ELMO1: variants seen among roughly 807,000 people sequenced by gnomAD.
The protein encoded by ELMO1 is engulfment and cell motility protein 1.
ELMO1 carries 26 observed loss-of-function variants against 98.9 expected under a neutral mutation model. The ratio of observed to expected loss-of-function variants is 0.26; its 90% CI spans 0.19 to 0.36. ELMO1 has a LOEUF of 0.36. Among genes scored for constraint, ELMO1 ranks in the 10% least tolerant of loss-of-function variants. The pLI is 1.00. For missense variants in ELMO1, 627 were observed against 935.2 expected (o/e 0.67, Z 4.30); for synonymous variants, 346 against 346.0 (o/e 1.00, Z 0.00).
chr7:37,315,815 A>C, intron 3 of ELMO1, 105 bp downstream of exon 3: 1 of 1,013,620 alleles, frequency 9.9e-7, no homozygotes, highest in South Asian at 1.4e-5. Context: ...TGAGCAAGTC[A>C]GTGGGTGACT....
intron 14 of ELMO1, among the ~76,000 whole-genome samples, chr7:37,111,143 G>A (rs1180415707): frequency 6.6e-6 from 1 of 152,090 alleles, no homozygotes; most frequent in Non-Finnish European, 1.5e-5. Flanking sequence ...GGGGCTCTTG[G>A]TCCAGCTCTG....
chr7:37,059,786 C>T (rs536293977), intron 15 of ELMO1, among the ~76,000 whole-genome samples: 8 of 152,248 alleles, frequency 5.3e-5, no homozygotes, highest in South Asian at 4.1e-4. Context: ...GTAACAATGC[C>T]TTTCATTTTC....
chr7:37,179,258 T>C (rs76254110), intron 13 of ELMO1, among the ~76,000 whole-genome samples: 5,975 of 150,792 alleles, frequency 0.04, 224 homozygotes, highest in Admixed American at 0.12. Context: ...CCAAATTTAA[T>C]CTGAATGTTT....
chr7:36,863,574 C>T (rs1307034598), intron 20 of ELMO1, among the ~76,000 whole-genome samples: 1 of 152,156 alleles, frequency 6.6e-6, no homozygotes, highest in African/African-American at 2.4e-5. Context: ...AGAAACTAAC[C>T]TCTCCCTCTT....
intron 16 of ELMO1, among the ~76,000 whole-genome samples, chr7:37,005,304 A>G (rs1454644761): frequency 6.6e-6 from 1 of 151,806 alleles, no homozygotes; most frequent in African/African-American, 2.4e-5. Flanking sequence ...AGTCCCTGAA[A>G]ATTGGTCACC....
chr7:37,191,747 G>A (rs146668111), intron 13 of ELMO1, among the ~76,000 whole-genome samples: 333 of 152,234 alleles, frequency 2.2e-3, no homozygotes, highest in African/African-American at 6.9e-3. Context: ...GTCAAAACCC[G>A]TCTCTGCTAA....
intron 6 of ELMO1, among the ~76,000 whole-genome samples, chr7:37,257,675 G>A (rs967626457): frequency 1.4e-4 from 21 of 150,948 alleles, no homozygotes; most frequent in African/African-American, 5.1e-4. Flanking sequence ...AGACCAGCCT[G>A]GCCAACGTGG....
intron 14 of ELMO1, among the ~76,000 whole-genome samples, chr7:37,126,524 C>A (rs1254612296): frequency 6.6e-6 from 1 of 151,748 alleles, no homozygotes; most frequent in East Asian, 1.9e-4. Flanking sequence ...TAATAACTTA[C>A]AAAATAATGA....
At chr7:37,132,420 G>C (rs935633349) in intron 14 of ELMO1, among the ~76,000 whole-genome samples, 10 of 152,118 alleles carry the variant, frequency 6.6e-5, no homozygotes, top group African/African-American at 2.4e-4. Flanking sequence ...CATCCTGACT[G>C]AATCTGGGTT....
Position 36,970,646 on chromosome 7 carries a change from TCACTGAA to T in ELMO1, c.1437+42646_1437+42652del, listed in dbSNP as rs1317588716. 4.2e-3 allele frequency among the ~76,000 whole-genome samples: 646 copies of T among 152,344 alleles called. 10 individuals are homozygous for T. Among genetic ancestry groups the T allele is most frequent in the African/African-American group, 0.015 (616 of 41,574 alleles). ...TACACTTGATAAAGGTTTTGTTGAATCACTGAATACTGGTGACAAGTGACAAAATGAC... is the reference window on the plus strand; with the variant it reads ...TACACTTGATAAAGGTTTTGTTGAATTACTGGTGACAAGTGACAAAATGAC... On this transcript the variant is annotated intron_variant, in intron 16 of 21. Coordinates refer to ENST00000310758, the MANE Select transcript of ELMO1 (RefSeq NM_014800.11).
chr7:37,009,668 C>T (rs190090144), intron 16 of ELMO1, among the ~76,000 whole-genome samples: 65 of 152,344 alleles, frequency 4.3e-4, no homozygotes, highest in African/African-American at 1.6e-3. Context: ...TAGCTAAGCC[C>T]TGCTCACAGA....
At chr7:36,888,066 T>C (rs955267580) in intron 17 of ELMO1, among the ~76,000 whole-genome samples, 2 of 152,190 alleles carry the variant, frequency 1.3e-5, no homozygotes, top group Admixed American at 1.3e-4. Flanking sequence ...TGGGACTGTG[T>C]TTGTGATCTG....
intron 4 of ELMO1, among the ~76,000 whole-genome samples, chr7:37,308,882 G>A (rs931748525): frequency 6.6e-6 from 1 of 152,154 alleles, no homozygotes; most frequent in Non-Finnish European, 1.5e-5. Flanking sequence ...AATCAGGTTT[G>A]GTCATCAGGC....
Position 37,311,156 on chromosome 7 carries a change from C to T in ELMO1, c.192+3694G>A, listed in dbSNP as rs189534503. On this transcript the variant is annotated intron_variant, in intron 4 of 21. Transcript: ENST00000310758. ...CTTAACATGACATTTTCCCCCACTGCACCAAAAAAAAACCTCAGTTAATGG... is the reference window on the plus strand; with the variant it reads ...CTTAACATGACATTTTCCCCCACTGTACCAAAAAAAAACCTCAGTTAATGG... 2.0e-5 allele frequency among the ~76,000 whole-genome samples: 3 copies of T among 149,402 alleles called. No homozygotes were observed. In the East Asian group the frequency reaches 5.8e-4, roughly 29 times the overall value.
chr7:37,304,117 T>C (rs576491572), intron 4 of ELMO1, among the ~76,000 whole-genome samples: 144 of 152,282 alleles, frequency 9.5e-4, no homozygotes, highest in Middle Eastern at 3.4e-3. Flanking sequence ...TTTAAAATGA[T>C]AGCTCCCATC....
At chr7:37,234,204 T>C (rs1794335368) in intron 7 of ELMO1, among the ~76,000 whole-genome samples, 1 of 152,202 alleles carries the variant, frequency 6.6e-6, no homozygotes, top group South Asian at 2.1e-4. Flanking sequence ...GATTCCTAGG[T>C]TCAATTTTTA....
intron 15 of ELMO1, among the ~76,000 whole-genome samples, chr7:37,036,592 T>A (rs1795186470): frequency 6.6e-6 from 1 of 152,100 alleles, no homozygotes; most frequent in Non-Finnish European, 1.5e-5. Context: ...TTGCCCAAGG[T>A]GGTCTCAAAC....
At chr7:37,354,914 T>C (rs991430978) in intron 1 of ELMO1, among the ~76,000 whole-genome samples, 5 of 152,224 alleles carry the variant, frequency 3.3e-5, no homozygotes, top group East Asian at 1.9e-4. Context: ...AGCAGAGCTC[T>C]AACTACCACC....
At chr7:37,192,404 A>C (rs192509385) in intron 13 of ELMO1, among the ~76,000 whole-genome samples, 1 of 151,416 alleles carries the variant, frequency 6.6e-6, no homozygotes, top group East Asian at 1.9e-4. Flanking sequence ...CTGAGGCAGT[A>C]GAATCGCTTG....
Sources: allele counts gnomAD v4.1 joint callset (sites outside exome capture counted in the v4.1 genomes callset), GRCh38; gene constraint gnomAD v4.1.1; transcripts MANE v1.5; gene names NCBI Gene and HGNC (gene_info 2026-07-23, HGNC 2026-07-21).